Variants in GABBR2 observed in about 807,000 individuals in gnomAD.
The protein encoded by GABBR2 is gamma-aminobutyric acid type B receptor subunit 2.
A neutral mutation model predicts 105.6 loss-of-function variants in GABBR2; 23 were observed. That is an observed-to-expected ratio of 0.22 (90% CI 0.16 to 0.31). The LOEUF (loss-of-function observed/expected upper bound fraction) is 0.31. GABBR2 is among the 10% of genes least tolerant of loss of function. The pLI, the probability that GABBR2 is intolerant of heterozygous loss-of-function variation, is 1.00. For synonymous variants in GABBR2, 478 were observed against 499.7 expected, an observed-to-expected ratio of 0.96 and a Z score of 0.58; for missense variants, 734 against 1,245.5, an observed-to-expected ratio of 0.59 and a Z score of 6.18.
chr9:98,534,572 A>G (rs1002160651), intron 3 of GABBR2, among the ~76,000 whole-genome samples: 1 of 152,236 alleles, frequency 6.6e-6, no homozygotes, highest in Non-Finnish European at 1.5e-5. Context: ...GGTAGGTGCT[A>G]TTATTATCCT....
intron 11 of GABBR2, among the ~76,000 whole-genome samples, chr9:98,383,910 C>A (rs763487065): frequency 2.0e-5 from 3 of 152,150 alleles, no homozygotes; most frequent in Non-Finnish European, 4.4e-5. Flanking sequence ...TTAAAGGGTG[C>A]TTCGTTTAAG....
intron 7 of GABBR2, among the ~76,000 whole-genome samples, chr9:98,441,889 TA>T (rs1826037653): frequency 6.6e-6 from 1 of 152,200 alleles, no homozygotes; most frequent in East Asian, 1.9e-4. Flanking sequence ...GAAAAAGTTT[TA>T]TAATGTGAGG....
chr9:98,681,790 A>C (rs1041764602), intron 1 of GABBR2, among the ~76,000 whole-genome samples: 1 of 152,212 alleles, frequency 6.6e-6, no homozygotes, highest in Non-Finnish European at 1.5e-5. Flanking sequence ...ATATTTAAAA[A>C]TCAAACCATT....
intron 7 of GABBR2, among the ~76,000 whole-genome samples, chr9:98,409,641 T>C (rs1270375718): frequency 1.3e-5 from 2 of 152,160 alleles, no homozygotes; most frequent in African/African-American, 4.8e-5. Context: ...GCTATGTTAG[T>C]TCAGGTTATG....
chr9:98,338,090 T>C (rs1038317024), intron 13 of GABBR2, among the ~76,000 whole-genome samples: 2 of 152,274 alleles, frequency 1.3e-5, no homozygotes, highest in East Asian at 3.9e-4. Flanking sequence ...TTAATTTGGA[T>C]CACTACCTCA....
intron 8 of GABBR2, 92 bp downstream of exon 8, chr9:98,405,989 C>T: frequency 3.9e-6 from 3 of 765,866 alleles, no homozygotes; most frequent in South Asian, 1.5e-5. Flanking sequence ...GAACATCACA[C>T]TTGCATTCCT....
At chr9:98,324,731 G>A (rs1002728271) in intron 13 of GABBR2, among the ~76,000 whole-genome samples, 2 of 152,164 alleles carry the variant, frequency 1.3e-5, no homozygotes, top group African/African-American at 4.8e-5. Context: ...CAGAGAGTGT[G>A]CATCCCTCCT....
At chr9:98,353,050 G>A (rs1413892831) in intron 13 of GABBR2, among the ~76,000 whole-genome samples, 1 of 152,100 alleles carries the variant, frequency 6.6e-6, no homozygotes, top group Non-Finnish European at 1.5e-5. Context: ...TCTGGAAAAT[G>A]CAGTTGTATG....
chr9:98,334,229 G>A (rs982941091), intron 13 of GABBR2, among the ~76,000 whole-genome samples: 1 of 152,214 alleles, frequency 6.6e-6, no homozygotes, highest in Non-Finnish European at 1.5e-5. Flanking sequence ...AGATGTGAAA[G>A]AGATTTAAGC....
chr9:98,378,453 G>C (rs1466014226), intron 11 of GABBR2, among the ~76,000 whole-genome samples: 3 of 152,208 alleles, frequency 2.0e-5, no homozygotes, highest in Non-Finnish European at 4.4e-5. Context: ...CCCTCCCACA[G>C]CTGGGCCCCA....
intron 7 of GABBR2, among the ~76,000 whole-genome samples, chr9:98,410,133 G>GTTTTTTTT (rs1554702245): frequency 2.3e-5 from 3 of 132,416 alleles, no homozygotes; most frequent in African/African-American, 1.3e-4. Flanking sequence ...TTTTTTTTTG[G>GTTTTTTTT]TTTCCCTCCC....
intron 3 of GABBR2, among the ~76,000 whole-genome samples, chr9:98,506,763 C>T (rs1177878006): frequency 6.6e-6 from 1 of 152,216 alleles, no homozygotes; most frequent in East Asian, 1.9e-4. Context: ...TGCCCAGCTA[C>T]ACACATCAAG....
At chr9:98,608,361 TTC>T (rs1440011850) in intron 1 of GABBR2, among the ~76,000 whole-genome samples, 2 of 152,198 alleles carry the variant, frequency 1.3e-5, no homozygotes, top group African/African-American at 4.8e-5. Flanking sequence ...TTCCTACTTT[TTC>T]TTTTTCTTTT....
chr9:98,386,925 A>G (rs7044824), intron 10 of GABBR2, among the ~76,000 whole-genome samples: 25,120 of 152,096 alleles, frequency 0.17, 2,841 homozygotes, highest in African/African-American at 0.31. Context: ...ACCTTGACAA[A>G]TCACTTAGCC....
rs1826292782 is a variant in GABBR2, at chr9:98,454,565, T to C, written c.1000-348A>G. Among the ~76,000 whole-genome samples the C allele has an allele frequency of 6.6e-6, 1 of 152,086 alleles. No individual in the cohort carries two copies. Among genetic ancestry groups the C allele is most frequent in the Admixed American group, 6.5e-5 (1 of 15,274 alleles). On this transcript the variant is annotated intron_variant, in intron 6 of 18. Transcript: ENST00000259455. This position sits in a 1 kb window ranked among gnomAD's most constrained non-coding sequence, Gnocchi z 4.6. ...TAAACTTGCAGGGCCTGGGGTGAGG[T>C]AGAGGCCCATATCCCGTATGTCTAA... is the stretch of plus-strand genomic sequence containing the variant.
intron 1 of GABBR2, among the ~76,000 whole-genome samples, chr9:98,617,753 C>T (rs1044281006): frequency 6.6e-6 from 1 of 152,156 alleles, no homozygotes; most frequent in Non-Finnish European, 1.5e-5. Context: ...AAAAAAGCTT[C>T]ACGAAACCCA....
At chr9:98,335,792 T>C (rs1831104538) in intron 13 of GABBR2, among the ~76,000 whole-genome samples, 1 of 152,192 alleles carries the variant, frequency 6.6e-6, no homozygotes, top group African/African-American at 2.4e-5. Flanking sequence ...CATTACCTAC[T>C]CAGCTGTTGT....
intron 6 of GABBR2, among the ~76,000 whole-genome samples, chr9:98,463,465 A>T (rs75904762): frequency 0.012 from 1,812 of 152,372 alleles, 38 homozygotes; most frequent in African/African-American, 0.041. Flanking sequence ...ACGAACTAAG[A>T]TGGAGAACCT....
At chr9:98,383,174 C>T (rs375041808) in intron 11 of GABBR2, among the ~76,000 whole-genome samples, 30 of 152,242 alleles carry the variant, frequency 2.0e-4, no homozygotes, top group East Asian at 1.2e-3. Context: ...CTCCTGACCT[C>T]GGGTGATCTG....
Sources: gnomAD v4.1 joint callset for allele counts (sites outside exome capture counted in the v4.1 genomes callset) on GRCh38, gnomAD v4.1.1 for gene constraint, Gnocchi (gnomAD v3.1) non-coding constraint, MANE v1.5 for transcripts, NCBI Gene and HGNC (gene_info 2026-07-23, HGNC 2026-07-21) for gene names.